PLPPR5: variants seen among roughly 807,000 people sequenced by gnomAD.
PLPPR5 encodes the protein phospholipid phosphatase-related protein type 5.
PLPPR5 carries 16 observed loss-of-function variants against 33.9 expected under a neutral mutation model. That is an observed-to-expected ratio of 0.47 (90% CI 0.32 to 0.72). PLPPR5 has a LOEUF of 0.72. PLPPR5 is among the 30% of genes least tolerant of loss of function. The pLI is 0.03. For synonymous variants in PLPPR5, 163 were observed against 150.3 expected (o/e 1.08, Z -0.62); for missense variants, 301 against 406.7 (o/e 0.74, Z 2.23).
intron 2 of PLPPR5, among the ~76,000 whole-genome samples, 167 bp from the exon 3 acceptor site, chr1:98,953,487 C>A (rs1650877861): frequency 6.6e-6 from 1 of 151,982 alleles, no homozygotes. Context: ...TCATCCCTCT[C>A]CAGTTCTTTC....
chr1:98,933,343 C>T (rs1442258908), intron 3 of PLPPR5, among the ~76,000 whole-genome samples: 1 of 151,832 alleles, frequency 6.6e-6, no homozygotes, highest in Non-Finnish European at 1.5e-5. Flanking sequence ...ATAAGCCAGG[C>T]GTGGTGGCGC....
Position 98,890,497 on chromosome 1 carries a change from T to G in PLPPR5, c.*2575A>C, listed in dbSNP as rs1318028169. 1 of 152,504 alleles carries G rather than the reference T, an allele frequency of 6.6e-6. No homozygotes were observed. Among genetic ancestry groups the G allele is most frequent in the African/African-American group, 2.4e-5 (1 of 41,428 alleles). The allele number at this position is 152,504 out of a possible 1,614,324, so 9.4% of individuals were successfully genotyped here. A position where few individuals can be genotyped will look rare whatever the true frequency, so the allele number is the denominator to read the frequency against. On this transcript the variant is annotated 3_prime_UTR_variant, in exon 6 of 6. Transcript: ENST00000263177. ...TATCACAGGAATCAGATAAAACATGTGCAGAATTTCTGCCATGCAAACAGA... is the reference window on the plus strand; with the variant it reads ...TATCACAGGAATCAGATAAAACATGGGCAGAATTTCTGCCATGCAAACAGA...
At chr1:98,983,269 G>A (rs1386457078) in intron 1 of PLPPR5, among the ~76,000 whole-genome samples, 77 of 124,800 alleles carry the variant, frequency 6.2e-4, no homozygotes, top group Non-Finnish European at 1.2e-3. Context: ...CCCAGAGTGT[G>A]ATATTCCCCT....
At chr1:98,946,094 C>A (rs879471232) in intron 3 of PLPPR5, among the ~76,000 whole-genome samples, 6 of 152,096 alleles carry the variant, frequency 3.9e-5, no homozygotes, top group Admixed American at 3.9e-4. Flanking sequence ...CAGCTAAATC[C>A]AAATCCAAAT....
At chr1:98,896,607 A>G (rs1648481247) in intron 5 of PLPPR5, among the ~76,000 whole-genome samples, 1 of 152,084 alleles carries the variant, frequency 6.6e-6, no homozygotes, top group Non-Finnish European at 1.5e-5. Context: ...CATCCATTAG[A>G]AAGTGTTCAC....
rs757980650 is a variant in PLPPR5, at chr1:99,004,679, T to C, written c.-8A>G. The C allele has an allele frequency of 4.4e-6, 7 of 1,586,492 alleles. No individual in the cohort carries two copies. The highest frequency in any genetic ancestry group is 1.7e-5 in the Admixed American group (1 of 57,172). ...CGCGGGCAGCAGGGGCATGCACGCC[T>C]CCCGGGCCGGGCCGAGCCGAGCCGA... On this transcript the variant is annotated 5_prime_UTR_variant, in exon 1 of 6. Transcript: ENST00000263177.
intron 1 of PLPPR5, among the ~76,000 whole-genome samples, chr1:98,967,229 C>G (rs1251823678): frequency 6.6e-6 from 1 of 152,042 alleles, no homozygotes; most frequent in Non-Finnish European, 1.5e-5. Context: ...CTCTCACTTT[C>G]TAGATATTTT....
intron 1 of PLPPR5, among the ~76,000 whole-genome samples, chr1:98,990,601 T>C (rs765925953): frequency 6.6e-6 from 1 of 152,168 alleles, no homozygotes; most frequent in African/African-American, 2.4e-5. Context: ...GAGATTTATT[T>C]TGGACTGTCT....
chr1:98,953,612 G>A (rs1362418237), intron 2 of PLPPR5, among the ~76,000 whole-genome samples: 3 of 152,074 alleles, frequency 2.0e-5, no homozygotes, highest in South Asian at 2.1e-4. Flanking sequence ...CTCAGACTCC[G>A]GGTAATGCAA....
intron 3 of PLPPR5, among the ~76,000 whole-genome samples, chr1:98,922,900 G>A (rs1649620358): frequency 6.6e-6 from 1 of 152,044 alleles, no homozygotes; most frequent in African/African-American, 2.4e-5. Flanking sequence ...CAGGAGAATG[G>A]CATGAACCCA....
intron 3 of PLPPR5, among the ~76,000 whole-genome samples, chr1:98,933,015 A>C (rs1351354196): frequency 6.6e-6 from 1 of 152,144 alleles, no homozygotes; most frequent in Non-Finnish European, 1.5e-5. Context: ...TGATACCTCC[A>C]GTGTGGTCCG....
intron 1 of PLPPR5, among the ~76,000 whole-genome samples, chr1:99,001,325 C>T (rs978917979): frequency 1.3e-4 from 19 of 151,442 alleles, no homozygotes; most frequent in African/African-American, 3.4e-4. Context: ...TTAGTAGAGA[C>T]GGGGTTTCAC....
intron 5 of PLPPR5, among the ~76,000 whole-genome samples, chr1:98,894,713 G>C (rs1168827215): frequency 6.6e-6 from 1 of 152,076 alleles, no homozygotes; most frequent in African/African-American, 2.4e-5. Context: ...GGTTCCCATT[G>C]TTGACCCAGA....
chr1:98,911,753 CTT>C (rs755690184), intron 5 of PLPPR5, among the ~76,000 whole-genome samples: 1 of 145,000 alleles, frequency 6.9e-6, no homozygotes. Flanking sequence ...TTTCACAACC[CTT>C]TTTTTTTTTA....
chr1:98,928,548 CAT>C (rs60624111), intron 3 of PLPPR5, among the ~76,000 whole-genome samples: 3,685 of 73,790 alleles, frequency 0.05, 396 homozygotes, highest in Middle Eastern at 0.088. Context: ...AGTTTTAAAT[CAT>C]ATATATATAT....
upstream of PLPPR5, among the ~76,000 whole-genome samples, chr1:99,005,476 A>G (rs534062087): frequency 2.0e-5 from 3 of 152,116 alleles, no homozygotes; most frequent in African/African-American, 7.2e-5. Context: ...CTTTGTGTAT[A>G]TATATATGTA....
At chr1:98,940,414 T>G (rs1410729655) in intron 3 of PLPPR5, among the ~76,000 whole-genome samples, 1 of 151,860 alleles carries the variant, frequency 6.6e-6, no homozygotes, top group Admixed American at 6.6e-5. Context: ...CATCTCCAAA[T>G]ATTATCACTT....
Position 98,999,968 on chromosome 1 carries a change from T to C in PLPPR5, c.237+4467A>G, listed in dbSNP as rs139385475. On this transcript the variant is annotated intron_variant, in intron 1 of 5. Transcript: ENST00000263177. ...TTCTAGCTTTGTGAAGATGGTGATC[T>C]AGCTTCATTTCCTTTAAATCATCTA... 5.5e-4 allele frequency among the ~76,000 whole-genome samples: 84 copies of C among 152,328 alleles called. 1 individual carries two copies. The highest frequency in any genetic ancestry group is 1.9e-3 in the African/African-American group (77 of 41,584).
intron 1 of PLPPR5, among the ~76,000 whole-genome samples, chr1:98,966,028 G>T (rs759386919): frequency 8.5e-5 from 13 of 152,084 alleles, no homozygotes; most frequent in Non-Finnish European, 1.9e-4. Context: ...TGAAATGTGG[G>T]GTTTTATTTG....
Sources: gnomAD v4.1 joint callset for allele counts (sites outside exome capture counted in the v4.1 genomes callset) on GRCh38, gnomAD v4.1.1 for gene constraint, MANE v1.5 for transcripts, NCBI Gene and HGNC (gene_info 2026-07-23, HGNC 2026-07-21) for gene names.